PLCB1: variants seen among roughly 807,000 people sequenced by gnomAD.
The protein encoded by PLCB1 is phospholipase C beta 1, also known as 1-phosphatidylinositol 4,5-bisphosphate phosphodiesterase beta-1.
Under a neutral mutation model 161.8 loss-of-function variants are expected in PLCB1, and 46 were observed. That is an observed-to-expected ratio of 0.28 (90% confidence interval 0.22 to 0.36). The LOEUF is 0.36. Ranked by LOEUF, PLCB1 falls within the 10% of genes least tolerant of loss-of-function variation. The pLI is 1.00. For synonymous variants in PLCB1, 517 were observed against 503.7 expected (o/e 1.03, Z -0.35); for missense variants, 1,016 against 1,472.5 (o/e 0.69, Z 5.07).
chr20:8,169,161 T>C (rs1219214100), intron 2 of PLCB1, among the ~76,000 whole-genome samples: 3 of 152,066 alleles, frequency 2.0e-5, no homozygotes, highest in African/African-American at 7.2e-5. Flanking sequence ...GTATATTGGG[T>C]GGGGAGCCAC....
At chr20:8,532,199 A>T (rs1193120208) in intron 3 of PLCB1, among the ~76,000 whole-genome samples, 1 of 152,240 alleles carries the variant, frequency 6.6e-6, no homozygotes, top group East Asian at 1.9e-4. Context: ...AAATAAAACA[A>T]AATGAGCGTT....
At chr20:8,756,174 T>C (rs1174447365) in intron 23 of PLCB1, among the ~76,000 whole-genome samples, 1 of 152,200 alleles carries the variant, frequency 6.6e-6, no homozygotes, top group Non-Finnish European at 1.5e-5. Flanking sequence ...CATCCACATA[T>C]TTACTCTGTG....
intron 2 of PLCB1, among the ~76,000 whole-genome samples, chr20:8,203,105 A>G (rs1199468289): frequency 6.6e-6 from 1 of 151,904 alleles, no homozygotes; most frequent in Non-Finnish European, 1.5e-5. Flanking sequence ...GCGCACACAC[A>G]CACACACACG....
chr20:8,386,107 G>A (rs1314592780), intron 3 of PLCB1, among the ~76,000 whole-genome samples: 1 of 152,150 alleles, frequency 6.6e-6, no homozygotes, highest in Non-Finnish European at 1.5e-5. Context: ...CATGAGGATT[G>A]GAATCAGCTT....
intron 2 of PLCB1, among the ~76,000 whole-genome samples, chr20:8,169,372 C>A (rs2051708887): frequency 1.3e-5 from 2 of 152,158 alleles, no homozygotes; most frequent in Admixed American, 6.5e-5. Context: ...CTTCCATTTT[C>A]TCTTCTACAA....
intron 2 of PLCB1, among the ~76,000 whole-genome samples, chr20:8,222,773 T>C (rs565807292): frequency 2.0e-5 from 3 of 152,298 alleles, no homozygotes; most frequent in Admixed American, 2.0e-4. Context: ...TTGTCTTCAA[T>C]ATTGTAATCA....
intron 2 of PLCB1, among the ~76,000 whole-genome samples, chr20:8,369,443 G>C (rs1318939333): frequency 6.6e-6 from 1 of 152,210 alleles, no homozygotes; most frequent in African/African-American, 2.4e-5. Flanking sequence ...TAGAGATGAA[G>C]AAACCTGGAC....
intron 2 of PLCB1, among the ~76,000 whole-genome samples, chr20:8,348,710 T>G (rs995926948): frequency 2.0e-4 from 30 of 152,192 alleles, no homozygotes; most frequent in Admixed American, 6.5e-5. Context: ...GTTTTGGCCT[T>G]TTTAGAAACT....
chr20:8,659,668 C>T (rs1989567890), intron 9 of PLCB1, among the ~76,000 whole-genome samples: 1 of 152,056 alleles, frequency 6.6e-6, no homozygotes, highest in Non-Finnish European at 1.5e-5. Context: ...TAATCTGGAA[C>T]TGGTCCTCTA....
rs138442805 is a variant in PLCB1, at chr20:8,740,457, C to T, written c.2413+9C>T. ...GCCAGACACATATGCAGGTAAACAA[C>T]TTAACTCAAATACCACTTTACTCAA... On this transcript the variant is annotated intron_variant, in intron 22 of 31. Coordinates refer to ENST00000338037, the MANE Select transcript of PLCB1 (RefSeq NM_015192.4). The T allele has an allele frequency of 0.013, 18,899 of 1,471,662 alleles. 141 individuals carry two copies. Among genetic ancestry groups the T allele is most frequent in the Non-Finnish European group, 0.016 (17,182 of 1,076,474 alleles). The allele number at this position is 1,471,662 out of a possible 1,614,324, so 91.2% of individuals were successfully genotyped here.
chr20:8,619,055 A>G (rs1465319796), intron 3 of PLCB1, among the ~76,000 whole-genome samples: 4 of 152,164 alleles, frequency 2.6e-5, no homozygotes, highest in Non-Finnish European at 5.9e-5. Context: ...TAAATTACCC[A>G]TTTACTTCAA....
At chr20:8,865,879 G>A (rs1364430913) in intron 31 of PLCB1, among the ~76,000 whole-genome samples, 1 of 152,160 alleles carries the variant, frequency 6.6e-6, no homozygotes, top group East Asian at 1.9e-4. Context: ...TGCAAATTTT[G>A]AGGATACCGA....
At chr20:8,739,011 G>C (rs1243955637) in intron 20 of PLCB1, among the ~76,000 whole-genome samples, 1 of 152,142 alleles carries the variant, frequency 6.6e-6, no homozygotes, top group African/African-American at 2.4e-5. Context: ...AATTAGTCAG[G>C]TGTGGGGGCA....
chr20:8,713,021 T>C (rs1193875212), intron 12 of PLCB1, among the ~76,000 whole-genome samples: 1 of 152,210 alleles, frequency 6.6e-6, no homozygotes, highest in Non-Finnish European at 1.5e-5. Flanking sequence ...CCTCTGACTT[T>C]TTCAATTCAA....
chr20:8,661,610 G>T (rs1474306402), intron 9 of PLCB1, among the ~76,000 whole-genome samples: 1 of 151,942 alleles, frequency 6.6e-6, no homozygotes, highest in East Asian at 1.9e-4. Context: ...CAGCTTTAAG[G>T]CATGTACACA....
intron 27 of PLCB1, among the ~76,000 whole-genome samples, chr20:8,781,417 A>ACAAAC (rs1983226324): frequency 3.6e-5 from 1 of 28,074 alleles, no homozygotes; most frequent in Non-Finnish European, 1.5e-4. Context: ...CACACACACA[A>ACAAAC]ACACACACAC....
chr20:8,733,175 A>G, intron 18 of PLCB1, 63 bp from the exon 19 acceptor site: 6 of 1,537,022 alleles, frequency 3.9e-6, no homozygotes, highest in Admixed American at 3.4e-5. Context: ...TTACTTTACA[A>G]TCTTACTTTC....
chr20:8,724,178 T>TAA (rs3034831), intron 15 of PLCB1, among the ~76,000 whole-genome samples: 126,155 of 147,834 alleles, frequency 0.85, 53,809 homozygotes, highest in East Asian at 0.99. Flanking sequence ...TTTATTTATA[T>TAA]AAAAAAAAAA....
At chr20:8,476,381 T>C (rs568728357) in intron 3 of PLCB1, among the ~76,000 whole-genome samples, 8 of 152,328 alleles carry the variant, frequency 5.3e-5, no homozygotes, top group African/African-American at 1.9e-4. Flanking sequence ...GCAAAGCTGT[T>C]GATCACCTTG....
Sources: gnomAD v4.1 joint callset for allele counts (sites outside exome capture counted in the v4.1 genomes callset) on GRCh38, gnomAD v4.1.1 for gene constraint, MANE v1.5 for transcripts, NCBI Gene and HGNC (gene_info 2026-07-23, HGNC 2026-07-21) for gene names.